The following NDE1 variants were observed in gnomAD, a reference collection of about 807,000 sequenced individuals.
The protein encoded by NDE1 is nudE neurodevelopment protein 1, also known as nuclear distribution protein nudE homolog 1.
Under a neutral mutation model 43.4 loss-of-function variants are expected in NDE1, and 28 were observed. The ratio of observed to expected loss-of-function variants is 0.65; its 90% CI spans 0.48 to 0.89. The LOEUF (loss-of-function observed/expected upper bound fraction) is 0.89. Ranked by LOEUF, NDE1 falls within the 40% of genes least tolerant of loss-of-function variation. NDE1 has a pLI of 0.00. For missense variants in NDE1, 441 were observed against 434.1 expected, an observed-to-expected ratio of 1.02 and a Z score of -0.14; for synonymous variants, 184 against 172.0, an observed-to-expected ratio of 1.07 and a Z score of -0.55.
rs367746199 is a variant in NDE1 at position 15,721,573 on chromosome 16, G to C, written c.948-2618G>C. On this transcript the variant is annotated intron_variant, in intron 8 of 8. Transcript: ENST00000396354. Reference sequence around the variant, plus strand: ...CTTGGTTTCCTTCTCCCTGGCTTCTGCCTCAGCTCTGTCCCTCTCATCCGC... The same window carrying C: ...CTTGGTTTCCTTCTCCCTGGCTTCTCCCTCAGCTCTGTCCCTCTCATCCGC... 18 of 1,614,156 alleles carry C rather than the reference G, an allele frequency of 1.1e-5. No individual in the cohort carries two copies. The Middle Eastern group carries it at 4.9e-4, about 44-fold the overall frequency.
At chr16:15,694,765 G>T (rs916088685) in intron 7 of NDE1, 15 of 985,242 alleles carry the variant, frequency 1.5e-5, no homozygotes, top group Non-Finnish European at 4.8e-6. Context: ...TCGAAGCCCT[G>T]CTCTGAACCC....
chr16:15,712,439 G>A (rs1268366568), intron 8 of NDE1, among the ~76,000 whole-genome samples: 1 of 151,918 alleles, frequency 6.6e-6, no homozygotes, highest in Non-Finnish European at 1.5e-5. Flanking sequence ...CACAAGATCA[G>A]GAGTTCAAGA....
At chr16:15,717,029 TTGC>T (rs1372869461) in intron 8 of NDE1, 1 of 1,168,094 alleles carries the variant, frequency 8.6e-7, no homozygotes, top group East Asian at 2.3e-5. Flanking sequence ...ATCACAGAGC[TTGC>T]TTCTTACAAG....
Position 15,667,303 on chromosome 16 carries a change from A to G in NDE1, c.101A>G (p.Glu34Gly), listed in dbSNP as rs140813713. Reference sequence around the variant, plus strand: ...TGCTGTAGGGCAGAAAATACGCAAGAGGAACTCCGAGAATTCCAGGAGGGA... The same window carrying G: ...TGCTGTAGGGCAGAAAATACGCAAGGGGAACTCCGAGAATTCCAGGAGGGA... Reference protein sequence around the residue: ...TYKQRAENTQEELREFQEGSR... With the variant: ...TYKQRAENTQGELREFQEGSR... The change falls in exon 3 of 9, where the codon GAG becomes GGG. Residue 34 changes from glutamate to glycine, a missense_variant. Coordinates refer to ENST00000396354, the MANE Select transcript of NDE1 (RefSeq NM_017668.3). 66 of 1,614,056 alleles carry G rather than the reference A, an allele frequency of 4.1e-5. No individual in the cohort carries two copies. In the Middle Eastern group the frequency reaches 4.9e-4, roughly 12 times the overall value.
intron 8 of NDE1, chr16:15,720,395 C>T: frequency 6.6e-7 from 1 of 1,522,518 alleles, no homozygotes; most frequent in East Asian, 2.4e-5. Flanking sequence ...TCACTGCACC[C>T]CTTCCCCAGC....
At position 15,725,417 on chromosome 16, in the gene NDE1, C is replaced by A; in HGVS notation, c.*1166C>A. The A allele has an allele frequency of 2.0e-6, 1 of 500,610 alleles. No homozygotes were observed. 31.0% of individuals were successfully genotyped at this position (500,610 alleles called of 1,614,324 possible). On this transcript the variant is annotated 3_prime_UTR_variant, in exon 9 of 9. Transcript: ENST00000396354. ...GAGACCAGGATGGTACTTGAACGTCCCAGGGATGCTGTCCCATCCCTTCCT... is the reference window on the plus strand; with the variant it reads ...GAGACCAGGATGGTACTTGAACGTCACAGGGATGCTGTCCCATCCCTTCCT...
At chr16:15,658,144 G>A (rs76620834) in intron 1 of NDE1, among the ~76,000 whole-genome samples, 1 of 152,138 alleles carries the variant, frequency 6.6e-6, no homozygotes, top group Admixed American at 6.6e-5. Context: ...GCTCTCCCTT[G>A]TGATAGCAAG....
chr16:15,650,296 T>C lies in NDE1; in HGVS notation c.-44+2T>C. On this transcript the variant is annotated splice_donor_variant, in intron 1 of 8. Coordinates refer to ENST00000396354, the MANE Select transcript of NDE1 (RefSeq NM_017668.3). LOFTEE classifies it low-confidence loss of function (5UTR_SPLICE). ...GTTGGCCTCGCCGCCCCTGCTCGGG[T>C]AAGTGAGGCGCTGCGCGGGGCTGGG... The C allele has an allele frequency of 3.3e-6, 1 of 304,058 alleles. No homozygotes were observed. The highest frequency in any genetic ancestry group is 2.4e-5 in the South Asian group (1 of 41,514). 18.8% of individuals were successfully genotyped at this position (304,058 alleles called of 1,614,324 possible). A position where few individuals can be genotyped will look rare whatever the true frequency, so the allele number is the denominator to read the frequency against.
intron 1 of NDE1, among the ~76,000 whole-genome samples, chr16:15,660,249 A>C (rs2036977414): frequency 6.6e-6 from 1 of 152,068 alleles, no homozygotes; most frequent in South Asian, 2.1e-4. Context: ...AGTACAAGGC[A>C]GGAGGATCGC....
chr16:15,654,985 T>C (rs1472821609), intron 1 of NDE1, among the ~76,000 whole-genome samples: 2 of 151,702 alleles, frequency 1.3e-5, no homozygotes, highest in Non-Finnish European at 2.9e-5. Context: ...CCACAGAGAG[T>C]ACTGCAATAG....
chr16:15,672,091 G>A (rs1423939292), intron 3 of NDE1, among the ~76,000 whole-genome samples: 1 of 152,004 alleles, frequency 6.6e-6, no homozygotes, highest in Non-Finnish European at 1.5e-5. Context: ...GCCCTCCATG[G>A]ATCCTGAGTA....
intron 5 of NDE1, among the ~76,000 whole-genome samples, chr16:15,687,812 T>C (rs1456019013): frequency 6.6e-6 from 1 of 152,224 alleles, no homozygotes; most frequent in East Asian, 1.9e-4. Flanking sequence ...CAGCAGAATT[T>C]ATTTCCAGAA....
intron 4 of NDE1, among the ~76,000 whole-genome samples, chr16:15,683,664 A>G (rs1254258353): frequency 1.3e-5 from 2 of 152,222 alleles, no homozygotes; most frequent in Non-Finnish European, 2.9e-5. Context: ...CAGAATTTCA[A>G]CATATAAAAT....
intron 3 of NDE1, among the ~76,000 whole-genome samples, chr16:15,676,120 C>T (rs1190443474): frequency 1.3e-5 from 2 of 151,758 alleles, no homozygotes; most frequent in Admixed American, 1.3e-4. Flanking sequence ...CCTCTCCCTC[C>T]CTTCCTCTCT....
chr16:15,706,563 C>T lies in NDE1; in HGVS notation c.947+9703C>T, dbSNP rs1333085607. 4.6e-5 allele frequency among the ~76,000 whole-genome samples: 7 copies of T among 152,014 alleles called. No homozygotes were observed. In the East Asian group the frequency reaches 9.7e-4, roughly 21 times the overall value. On this transcript the variant is annotated intron_variant, in intron 8 of 8. Transcript: ENST00000396354. The stretch of plus-strand genomic sequence containing the variant: ...TCTCTACTAAATATACTAAATTAGC[C>T]GTGCGTGGTGGCAGGCGCCTGGAAT...
At position 15,717,174 on chromosome 16, in the gene NDE1, C is replaced by T. The variant is rs147710374; in HGVS notation, c.948-7017C>T. The T allele has an allele frequency of 6.6e-5, 107 of 1,614,204 alleles. No homozygotes were observed. The African/African-American group carries it at 1.3e-3, about 19-fold the overall frequency. On this transcript the variant is annotated intron_variant, in intron 8 of 8. Transcript: ENST00000396354. Reference sequence around the variant, plus strand: ...TGCTCGACCTGCTCCTCCAGCTGTGCAATCTTGGCCTCCAGCGCCGCGATG... The same window carrying T: ...TGCTCGACCTGCTCCTCCAGCTGTGTAATCTTGGCCTCCAGCGCCGCGATG...
At chr16:15,707,355 C>G (rs2039512731) in intron 8 of NDE1, among the ~76,000 whole-genome samples, 1 of 152,146 alleles carries the variant, frequency 6.6e-6, no homozygotes, top group South Asian at 2.1e-4. Flanking sequence ...TTCGTGGACT[C>G]AGCTTATCCA....
chr16:15,688,092 C>T (rs1374081555), intron 5 of NDE1, among the ~76,000 whole-genome samples: 1 of 152,206 alleles, frequency 6.6e-6, no homozygotes, highest in Non-Finnish European at 1.5e-5. Context: ...GGGATGATTG[C>T]TTCAGCCCAG....
rs548480265 is a variant in NDE1, at chr16:15,706,384, T to C, written c.947+9524T>C. ...CTGTACGCTCCCCACACAGCTCTCT[T>C]CGTCACAGTTTTAACTCCAGGTTCA... On this transcript the variant is annotated intron_variant, in intron 8 of 8. Transcript: ENST00000396354. Among the ~76,000 whole-genome samples, 19 of 152,158 alleles carry C rather than the reference T, an allele frequency of 1.2e-4. No homozygotes were observed. The South Asian group carries it at 3.9e-3, about 32-fold the overall frequency.
Sources: gnomAD v4.1 joint callset for allele counts (sites outside exome capture counted in the v4.1 genomes callset) on GRCh38, gnomAD v4.1.1 for gene constraint, MANE v1.5 for transcripts, NCBI Gene and HGNC (gene_info 2026-07-23, HGNC 2026-07-21) for gene names.